TACC2: variants seen among roughly 807,000 people sequenced by gnomAD.
The protein encoded by TACC2 is transforming acidic coiled-coil-containing protein 2.
Under a neutral mutation model 227.3 loss-of-function variants are expected in TACC2, and 137 were observed. The ratio of observed to expected loss-of-function variants is 0.60; its 90% CI spans 0.52 to 0.69. TACC2 has a LOEUF of 0.69. Among genes scored for constraint, TACC2 ranks in the 30% least tolerant of loss-of-function variants. The probability of loss-of-function intolerance (pLI) is 0.00; values close to 1 mark genes in which losing one functional copy is unlikely to be tolerated. For missense variants in TACC2, 3,470 were observed against 3,694.4 expected, an observed-to-expected ratio of 0.94 and a Z score of 1.57; for synonymous variants, 1,523 against 1,487.5, an observed-to-expected ratio of 1.02 and a Z score of -0.55.
chr10:122,016,082 G>A (rs545921744), intron 1 of TACC2, among the ~76,000 whole-genome samples: 1 of 151,038 alleles, frequency 6.6e-6, no homozygotes, highest in African/African-American at 2.4e-5. Context: ...GCAACATGGC[G>A]AAACCTCATC....
chr10:122,216,919 C>T, intron 11 of TACC2, 91 bp downstream of exon 11: 1 of 1,604,956 alleles, frequency 6.2e-7, no homozygotes, highest in Non-Finnish European at 8.5e-7. Flanking sequence ...ACTTCTCAGC[C>T]AGGTAACCAC....
chr10:122,156,679 G>A (rs1386271958), intron 7 of TACC2, among the ~76,000 whole-genome samples: 2 of 152,162 alleles, frequency 1.3e-5, no homozygotes, highest in Non-Finnish European at 2.9e-5. Context: ...CTTTCTTACA[G>A]CTTTGGGGTA....
Position 122,013,060 on chromosome 10 carries a change from G to A in TACC2, c.-45-8877G>A, listed in dbSNP as rs566638466. ...ATCTGAATGTGGGGGATTTGGAGAT[G>A]ACAAGCAGTAACTAATAACCGGCCC... On this transcript the variant is annotated intron_variant, in intron 1 of 22. Coordinates refer to ENST00000369005, the MANE Select transcript of TACC2 (RefSeq NM_206862.4). Among the ~76,000 whole-genome samples, 14 of 152,278 alleles carry A rather than the reference G, an allele frequency of 9.2e-5. No individual in the cohort carries two copies. In the East Asian group the frequency reaches 2.7e-3, roughly 29 times the overall value.
intron 6 of TACC2, among the ~76,000 whole-genome samples, chr10:122,139,545 G>A (rs555458691): frequency 3.1e-4 from 47 of 152,240 alleles, no homozygotes; most frequent in African/African-American, 1.1e-3. Context: ...CCAGGCCTCC[G>A]TGGGACTGGC....
intron 22 of TACC2, among the ~76,000 whole-genome samples, chr10:122,253,408 T>G (rs572047657): frequency 4.8e-4 from 73 of 152,164 alleles, no homozygotes; most frequent in Non-Finnish European, 7.6e-4. Context: ...AAACCTGTGG[T>G]TGGTTCCCCT....
At chr10:122,225,825 C>T (rs1004070815) in intron 12 of TACC2, among the ~76,000 whole-genome samples, 2 of 152,162 alleles carry the variant, frequency 1.3e-5, no homozygotes, top group Non-Finnish European at 2.9e-5. Context: ...AGCATACCTG[C>T]CGGCCGTTGC....
intron 1 of TACC2, among the ~76,000 whole-genome samples, chr10:122,012,700 T>G (rs920101467): frequency 6.8e-6 from 1 of 146,956 alleles, no homozygotes. Flanking sequence ...GAGCAAAGAG[T>G]AGAAGTTGAA....
intron 2 of TACC2, among the ~76,000 whole-genome samples, chr10:122,031,447 C>T (rs1040511440): frequency 7.0e-5 from 10 of 142,516 alleles, no homozygotes; most frequent in African/African-American, 2.6e-4. Flanking sequence ...CTCTGTCACC[C>T]AGGCTGGAGT....
rs540918718 is a variant in TACC2 at position 122,120,136 on chromosome 10, C to T, written c.5574-12473C>T. 3.3e-5 allele frequency among the ~76,000 whole-genome samples: 5 copies of T among 152,238 alleles called. No homozygotes were observed. In the East Asian group the frequency reaches 5.8e-4, roughly 18 times the overall value. On this transcript the variant is annotated intron_variant, in intron 5 of 22. Coordinates refer to ENST00000369005, the MANE Select transcript of TACC2 (RefSeq NM_206862.4). ...AAGGTTCCCCCTCCGTCCTGCAACT[C>T]GCCCGTCCTCACAGTAAGGTCTCCT... is the stretch of plus-strand genomic sequence containing the variant.
intron 8 of TACC2, among the ~76,000 whole-genome samples, chr10:122,195,405 G>A (rs372924665): frequency 5.3e-5 from 8 of 152,326 alleles, no homozygotes; most frequent in African/African-American, 1.9e-4. Flanking sequence ...CCTCTGGGGA[G>A]ATTGGGTTTG....
chr10:122,132,805 C>T, intron 6 of TACC2, 71 bp downstream of exon 6: 1 of 1,469,626 alleles, frequency 6.8e-7, no homozygotes. Flanking sequence ...TCCCCCGCTC[C>T]CCTCCCTTCC....
At position 122,254,186 on chromosome 10, in the gene TACC2, T is replaced by G. The variant is rs1169201175; in HGVS notation, c.*130T>G. 1.3e-6 allele frequency: 1 copy of G among 794,658 alleles called. No individual in the cohort carries two copies. The highest frequency in any genetic ancestry group is 1.9e-5 in the Admixed American group (1 of 53,278). The allele number at this position is 794,658 out of a possible 1,614,324, so 49.2% of individuals were successfully genotyped here. Reference sequence around the variant, plus strand: ...TGCACTACTGTATTTCCTTTCTAAATAAAATTGATTTGATTGTATGCAGTA... The same window carrying G: ...TGCACTACTGTATTTCCTTTCTAAAGAAAATTGATTTGATTGTATGCAGTA... On this transcript the variant is annotated 3_prime_UTR_variant, in exon 23 of 23. Transcript: ENST00000369005.
chr10:122,164,026 CG>C, intron 7 of TACC2: 1 of 1,560,084 alleles, frequency 6.4e-7, no homozygotes, highest in Non-Finnish European at 8.7e-7. Context: ...CCGAGTCTCC[CG>C]GGGAGGAGGA....
At chr10:122,169,606 CA>C (rs749460618) in intron 7 of TACC2, among the ~76,000 whole-genome samples, 9 of 152,200 alleles carry the variant, frequency 5.9e-5, no homozygotes, top group Non-Finnish European at 8.8e-5. Context: ...ATGATTGGTA[CA>C]GGGCTCAGAC....
chr10:122,140,468 A>C (rs1262398458), intron 6 of TACC2, among the ~76,000 whole-genome samples: 1 of 152,260 alleles, frequency 6.6e-6, no homozygotes, highest in Admixed American at 6.5e-5. Context: ...AACACTGATT[A>C]ACTCCTTAAA....
In TACC2 at chr10:122,083,670, T is replaced by G; in HGVS notation, c.1170T>G (p.Cys390Trp). ...GAACCAAGCCCAATCAAGTTGTCTG[T>G]GTGGCAGCAGGCGGCCAGCCCGAAG... is the stretch of plus-strand genomic sequence containing the variant. ...MRGTKPNQVV[C>W]VAAGGQPEGG... Residue 390 changes from cysteine to tryptophan, a missense_variant, in exon 4 of 23, where the codon TGT becomes TGG. This residue lies in a region of TACC2 where 1,924 missense variants were observed against 1,978.3 expected (regional missense o/e 0.97). Coordinates refer to ENST00000369005, the MANE Select transcript of TACC2 (RefSeq NM_206862.4). 6.2e-7 allele frequency: 1 copy of G among 1,611,986 alleles called. No homozygotes were observed. The highest frequency in any genetic ancestry group is 8.5e-7 in the Non-Finnish European group (1 of 1,180,034).
At chr10:122,221,505 A>C (rs895084772) in intron 11 of TACC2, among the ~76,000 whole-genome samples, 4 of 152,142 alleles carry the variant, frequency 2.6e-5, no homozygotes, top group African/African-American at 9.7e-5. Context: ...CAGAGGGGAA[A>C]GTGCCCTCCT....
chr10:122,098,249 T>C (rs1303350487), intron 5 of TACC2, among the ~76,000 whole-genome samples: 2 of 152,330 alleles, frequency 1.3e-5, no homozygotes, highest in African/African-American at 4.8e-5. Context: ...GCCATTTTGA[T>C]AGAGAGCTGG....
In TACC2 at chr10:122,153,156, C is replaced by T. The variant is rs1214205772; in HGVS notation, c.5834+9450C>T. ...GATTACAGGCATAGGTCACCACGCC[C>T]GGCTAAGTTTTGTATTTTTAGTAAA... On this transcript the variant is annotated intron_variant, in intron 7 of 22. Coordinates refer to ENST00000369005, the MANE Select transcript of TACC2 (RefSeq NM_206862.4). Among the ~76,000 whole-genome samples, 11 of 152,100 alleles carry T rather than the reference C, an allele frequency of 7.2e-5. No individual in the cohort carries two copies. In the East Asian group the frequency reaches 1.4e-3, roughly 19 times the overall value.
Sources: allele counts gnomAD v4.1 joint callset (sites outside exome capture counted in the v4.1 genomes callset), GRCh38; gene constraint gnomAD v4.1.1; regional missense constraint gnomAD v4.1.1; transcripts MANE v1.5; gene names NCBI Gene and HGNC (gene_info 2026-07-23, HGNC 2026-07-21).